SGCD: variants seen among roughly 807,000 people sequenced by gnomAD.
SGCD encodes sarcoglycan delta.
A neutral mutation model predicts 36.6 loss-of-function variants in SGCD; 18 were observed. The ratio of observed to expected loss-of-function variants is 0.49; its 90% CI spans 0.34 to 0.73. The LOEUF is 0.73. Ranked by LOEUF, SGCD falls within the 30% of genes least tolerant of loss-of-function variation. The pLI is 0.01. For synonymous variants in SGCD, 133 were observed against 130.6 expected, an observed-to-expected ratio of 1.02 and a Z score of -0.12; for missense variants, 387 against 346.7, an observed-to-expected ratio of 1.12 and a Z score of -0.92.
chr5:155,863,155 C>T, the SGCD span, among the ~76,000 whole-genome samples: 1 of 152,148 alleles, frequency 6.6e-6, no homozygotes, highest in Non-Finnish European at 1.5e-5. Context: ...TTATAACAAT[C>T]CTGAGCCTGA....
chr5:156,465,742 A>G (rs903976854), intron 3 of SGCD, among the ~76,000 whole-genome samples: 2 of 152,162 alleles, frequency 1.3e-5, no homozygotes, highest in East Asian at 1.9e-4. Context: ...AATTGAATCA[A>G]TTCAAAGCCT....
rs190961628 is a variant in SGCD at position 156,589,450 on chromosome 5, G to A, written c.382+132G>A. On this transcript the variant is annotated intron_variant, in intron 5 of 8. Transcript: ENST00000337851. ...ACACATTGTTGAGAAAGAGAATGTA[G>A]CATGTGTTCCATGATTCTACTAGAG... The A allele has an allele frequency of 1.2e-4, 74 of 592,352 alleles. No homozygotes were observed. The South Asian group carries it at 1.7e-3, about 14-fold the overall frequency. The allele number at this position is 592,352 out of a possible 1,614,324, so 36.7% of individuals were successfully genotyped here.
At chr5:156,110,382 C>G (rs1761753598) in intron 1 of SGCD, among the ~76,000 whole-genome samples, 1 of 152,156 alleles carries the variant, frequency 6.6e-6, no homozygotes, top group African/African-American at 2.4e-5. Flanking sequence ...GAATTATAGT[C>G]ATTAGATTTC....
intron 3 of SGCD, among the ~76,000 whole-genome samples, chr5:156,241,785 A>T (rs544756445): frequency 1.3e-5 from 2 of 152,304 alleles, no homozygotes; most frequent in African/African-American, 4.8e-5. Flanking sequence ...TAGGTACTGG[A>T]AATACACTCA....
intron 3 of SGCD, among the ~76,000 whole-genome samples, chr5:156,180,225 A>T (rs1763569162): frequency 6.6e-6 from 1 of 152,232 alleles, no homozygotes; most frequent in Non-Finnish European, 1.5e-5. Context: ...TCACAAACAT[A>T]TACAAAAATT....
At chr5:156,200,181 T>C (rs996622329) in intron 3 of SGCD, among the ~76,000 whole-genome samples, 1 of 152,014 alleles carries the variant, frequency 6.6e-6, no homozygotes, top group African/African-American at 2.4e-5. Flanking sequence ...AAAATATATA[T>C]GAAATCTCAA....
At chr5:156,166,564 C>T (rs1763221336) in intron 3 of SGCD, among the ~76,000 whole-genome samples, 1 of 152,196 alleles carries the variant, frequency 6.6e-6, no homozygotes, top group Non-Finnish European at 1.5e-5. Flanking sequence ...TCGTGATCCG[C>T]CCGCCTCGGC....
At chr5:156,222,410 A>AT (rs893241257) in intron 3 of SGCD, among the ~76,000 whole-genome samples, 34 of 151,560 alleles carry the variant, frequency 2.2e-4, no homozygotes, top group Non-Finnish European at 4.6e-4. Flanking sequence ...CAGACTTAAA[A>AT]TTTTTTTTTG....
chr5:155,818,436 C>G, the SGCD span, among the ~76,000 whole-genome samples: 6 of 152,078 alleles, frequency 3.9e-5, no homozygotes, highest in Non-Finnish European at 7.4e-5. Context: ...AGGGGTAAGG[C>G]TGAAATCATC....
intron 1 of SGCD, among the ~76,000 whole-genome samples, chr5:156,031,255 A>G (rs771186851): frequency 6.6e-6 from 1 of 152,190 alleles, no homozygotes; most frequent in Non-Finnish European, 1.5e-5. Context: ...CTCAGGTGAT[A>G]TTGATGCTGC....
At chr5:156,024,888 G>T (rs1052804634) in intron 1 of SGCD, among the ~76,000 whole-genome samples, 2 of 151,568 alleles carry the variant, frequency 1.3e-5, no homozygotes, top group Non-Finnish European at 2.9e-5. Context: ...AACCCTGGAG[G>T]CAGAGGTTGC....
rs1760126851 is a variant in SGCD, at chr5:156,058,724, ATT to A, written c.-281-59153_-281-59152del. The stretch of plus-strand genomic sequence containing the variant: ...TTTGTAGATGAAATAATGGTATTAC[ATT>A]ATGATTAATGAAAAGTATATTTGTT... On this transcript the variant is annotated intron_variant, in intron 1 of 9. Transcript: ENST00000517913. 4.1e-5 allele frequency among the ~76,000 whole-genome samples: 6 copies of A among 146,642 alleles called. 1 individual carries two copies. The highest frequency in any genetic ancestry group is 1.5e-4 in the African/African-American group (6 of 40,750).
At chr5:155,753,475 C>T in the SGCD span, among the ~76,000 whole-genome samples, 25 of 152,134 alleles carry the variant, frequency 1.6e-4, no homozygotes, top group African/African-American at 5.1e-4. Context: ...AAGGATCGGA[C>T]AATGTGCTAT....
the SGCD span, among the ~76,000 whole-genome samples, chr5:155,746,090 A>G: frequency 3.9e-5 from 6 of 152,374 alleles, no homozygotes; most frequent in East Asian, 5.8e-4. Context: ...TAAAATGTCC[A>G]TCATTAGGAG....
rs1771515878 is a variant in SGCD, at chr5:156,390,691, T to C, written c.192+46014T>C. 2.0e-5 allele frequency among the ~76,000 whole-genome samples: 3 copies of C among 152,090 alleles called. No individual in the cohort carries two copies. The South Asian group carries it at 6.2e-4, about 32-fold the overall frequency. On this transcript the variant is annotated intron_variant, in intron 3 of 8. Coordinates refer to ENST00000337851, the MANE Select transcript of SGCD (RefSeq NM_000337.6). ...GTTTCAGTGAGTCAAGATTTTGCCA[T>C]TGCACTCCAGCCTGGGCAACAAGAG...
At chr5:156,133,385 T>C (rs567062838) in intron 3 of SGCD, among the ~76,000 whole-genome samples, 1 of 152,328 alleles carries the variant, frequency 6.6e-6, no homozygotes, top group South Asian at 2.1e-4. Context: ...ATAATCTCAT[T>C]TTTTCACTTA....
At chr5:155,859,821 C>T in the SGCD span, among the ~76,000 whole-genome samples, 2 of 152,124 alleles carry the variant, frequency 1.3e-5, no homozygotes, top group Non-Finnish European at 2.9e-5. Flanking sequence ...ATGGCTGTGG[C>T]CTTAAAAATT....
At chr5:156,084,437 G>T (rs1761045865) in intron 1 of SGCD, among the ~76,000 whole-genome samples, 1 of 152,038 alleles carries the variant, frequency 6.6e-6, no homozygotes, top group African/African-American at 2.4e-5. Context: ...TTTTGGTTTT[G>T]ATCTTATAAT....
At chr5:156,180,564 T>C (rs1172645246) in intron 3 of SGCD, among the ~76,000 whole-genome samples, 2 of 152,122 alleles carry the variant, frequency 1.3e-5, no homozygotes, top group Non-Finnish European at 2.9e-5. Flanking sequence ...TCATTTATAA[T>C]AATGGAGGGG....
Sources: gnomAD v4.1 joint callset for allele counts (sites outside exome capture counted in the v4.1 genomes callset) on GRCh38, gnomAD v4.1.1 for gene constraint, MANE v1.5 for transcripts, NCBI Gene and HGNC (gene_info 2026-07-23, HGNC 2026-07-21) for gene names.